MGST1: variants seen among roughly 807,000 people sequenced by gnomAD.
MGST1 encodes the protein microsomal glutathione S-transferase 1.
A neutral mutation model predicts 8.9 loss-of-function variants in MGST1; 5 were observed. The ratio of observed to expected loss-of-function variants is 0.56; its 90% CI spans 0.29 to 1.19. The LOEUF is 1.19. MGST1 is among the 50% of genes most tolerant of loss of function. The probability of loss-of-function intolerance (pLI) is 0.08; values close to 1 mark genes in which losing one functional copy is unlikely to be tolerated. For synonymous variants in MGST1, 54 were observed against 67.8 expected, an observed-to-expected ratio of 0.80 and a Z score of 1.00; for missense variants, 182 against 187.4, an observed-to-expected ratio of 0.97 and a Z score of 0.17.
At chr12:16,542,491 A>G (rs1483557267) in intron 4 of MGST1, among the ~76,000 whole-genome samples, 2 of 152,166 alleles carry the variant, frequency 1.3e-5, no homozygotes, top group Non-Finnish European at 2.9e-5. Context: ...CTCTTTTGTA[A>G]GTCTGTTTGC....
chr12:16,560,277 G>A lies in MGST1; in HGVS notation n.483-29251G>A. 1 of 887,796 alleles carries A rather than the reference G, an allele frequency of 1.1e-6. No individual in the cohort carries two copies. 55.0% of individuals were successfully genotyped at this position (887,796 alleles called of 1,614,324 possible). On this transcript the variant is annotated intron_variant and non_coding_transcript_variant, in intron 4 of 4. Coordinates refer to the MGST1 transcript ENST00000538857. The surrounding 1 kb of genome is among the most constrained non-coding windows in gnomAD (Gnocchi z 5.0). Reference sequence around the variant, plus strand: ...CTCCTTAGTAGCTTGTCTCTGGCATGGGATTAAAGTTTACAGAACAGAAAA... The same window carrying A: ...CTCCTTAGTAGCTTGTCTCTGGCATAGGATTAAAGTTTACAGAACAGAAAA...
chr12:16,513,956 C>G lies in MGST1; in HGVS notation n.483-75572C>G, dbSNP rs1941594300. 3.8e-6 allele frequency: 2 copies of G among 519,570 alleles called. No homozygotes were observed. The highest frequency in any genetic ancestry group is 7.4e-6 in the Non-Finnish European group (2 of 268,506). 32.2% of individuals were successfully genotyped at this position (519,570 alleles called of 1,614,324 possible). A position where few individuals can be genotyped will look rare whatever the true frequency, so the allele number is the denominator to read the frequency against. ...CGCAAGACTTGCGGTTTTGACTTCA[C>G]AGACACTGTGGAGGACATTTCAAAA... is the stretch of plus-strand genomic sequence containing the variant. On this transcript the variant is annotated intron_variant and non_coding_transcript_variant, in intron 4 of 4. Coordinates refer to the MGST1 transcript ENST00000538857. This position sits in a 1 kb window ranked among gnomAD's most constrained non-coding sequence, Gnocchi z 4.2.
At chr12:16,496,157 T>G (rs924150117) in intron 4 of MGST1, among the ~76,000 whole-genome samples, 3 of 152,028 alleles carry the variant, frequency 2.0e-5, no homozygotes, top group Non-Finnish European at 4.4e-5. Flanking sequence ...GCATGTAACA[T>G]AGAGAAATTC....
chr12:16,518,105 T>A (rs1224123502), intron 4 of MGST1, among the ~76,000 whole-genome samples: 1 of 152,196 alleles, frequency 6.6e-6, no homozygotes, highest in African/African-American at 2.4e-5. Context: ...TATGCTTAAT[T>A]TTTAAAAAAT....
chr12:16,579,126 A>AT (rs570418073), intron 4 of MGST1, among the ~76,000 whole-genome samples: 86 of 151,516 alleles, frequency 5.7e-4, no homozygotes, highest in South Asian at 5.4e-3. Context: ...TTCCACAGGG[A>AT]TTTTTTTTTG....
At chr12:16,556,777 C>T (rs980511490) in intron 4 of MGST1, among the ~76,000 whole-genome samples, 1 of 152,092 alleles carries the variant, frequency 6.6e-6, no homozygotes. Flanking sequence ...AATTTGTCTG[C>T]TTTGCTTGAC....
chr12:16,429,534 A>G (rs1226976228), intron 1 of MGST1, among the ~76,000 whole-genome samples: 1 of 152,004 alleles, frequency 6.6e-6, no homozygotes, highest in Admixed American at 6.6e-5. Flanking sequence ...AAAGATAGGT[A>G]TGCTAACTAA....
intron 4 of MGST1, among the ~76,000 whole-genome samples, chr12:16,564,097 T>C (rs1443900098): frequency 6.6e-6 from 1 of 152,178 alleles, no homozygotes; most frequent in East Asian, 1.9e-4. Flanking sequence ...CCCAGAGATG[T>C]TTCTGTCCCC....
At chr12:16,525,413 G>A (rs1040223517) in intron 4 of MGST1, among the ~76,000 whole-genome samples, 51 of 151,336 alleles carry the variant, frequency 3.4e-4, no homozygotes, top group Admixed American at 2.4e-3. Flanking sequence ...TTGTTCTTGC[G>A]ATAGTTTACT....
chr12:16,363,760 A>G lies in MGST1; in HGVS notation c.222-35A>G, dbSNP rs1040332964. The G allele has an allele frequency of 3.3e-6, 5 of 1,506,086 alleles. No individual in the cohort carries two copies. In the African/African-American group the frequency reaches 5.5e-5, roughly 17 times the overall value. The allele number at this position is 1,506,086 out of a possible 1,614,324, so 93.3% of individuals were successfully genotyped here. On this transcript the variant is annotated intron_variant, in intron 3 of 3. Coordinates refer to ENST00000396210, the MANE Select transcript of MGST1 (RefSeq NM_020300.5). This position sits in a 1 kb window ranked among gnomAD's most constrained non-coding sequence, Gnocchi z 4.6. Reference sequence around the variant, plus strand: ...AAAAGGATACATATCTAGTATTTTGAAATTAGTGTCTTTAATAGTTATCTT... The same window carrying G: ...AAAAGGATACATATCTAGTATTTTGGAATTAGTGTCTTTAATAGTTATCTT...
At chr12:16,348,345 G>A (rs1939293442) in intron 1 of MGST1, among the ~76,000 whole-genome samples, 1 of 152,138 alleles carries the variant, frequency 6.6e-6, no homozygotes, top group African/African-American at 2.4e-5. Context: ...CCCTTGGGAC[G>A]GTTCTCACCT....
At chr12:16,431,858 A>G (rs1306921722) in intron 1 of MGST1, among the ~76,000 whole-genome samples, 15 of 152,204 alleles carry the variant, frequency 9.9e-5, no homozygotes, top group Admixed American at 9.2e-4. Flanking sequence ...AAAATGCAGT[A>G]TCTGTGAAGC....
chr12:16,390,465 T>C (rs570539768), intron 1 of MGST1, among the ~76,000 whole-genome samples: 12 of 152,258 alleles, frequency 7.9e-5, no homozygotes, highest in African/African-American at 2.9e-4. Flanking sequence ...CACCCTCAAG[T>C]AGGCCCCAGT....
rs1197350643 is a variant in MGST1, at chr12:16,361,364, G to T, written c.222-2431G>T. On this transcript the variant is annotated intron_variant, in intron 3 of 3. Coordinates refer to ENST00000396210, the MANE Select transcript of MGST1 (RefSeq NM_020300.5). This position sits in a 1 kb window ranked among gnomAD's most constrained non-coding sequence, Gnocchi z 4.2. ...GAAGGAGGCGTGGCTGTGGCCTCAA[G>T]AGCACAGAGATGGTGGGAAGGTCCG... Among the ~76,000 whole-genome samples the T allele has an allele frequency of 6.6e-6, 1 of 152,216 alleles. No homozygotes were observed. Among genetic ancestry groups the T allele is most frequent in the Non-Finnish European group, 1.5e-5 (1 of 68,042 alleles).
intron 4 of MGST1, among the ~76,000 whole-genome samples, chr12:16,540,961 C>A (rs1372495716): frequency 6.6e-6 from 1 of 152,032 alleles, no homozygotes; most frequent in East Asian, 1.9e-4. Context: ...AAGGTTAAAA[C>A]CTGATTTTGG....
chr12:16,390,487 C>T (rs1021544902), intron 1 of MGST1, among the ~76,000 whole-genome samples: 1 of 152,068 alleles, frequency 6.6e-6, no homozygotes, highest in Non-Finnish European at 1.5e-5. Flanking sequence ...TCTGTCGTTC[C>T]CTTCTTTGTG....
intron 4 of MGST1, among the ~76,000 whole-genome samples, chr12:16,578,859 A>AC (rs1227730668): frequency 4.0e-4 from 60 of 150,242 alleles, no homozygotes; most frequent in East Asian, 2.2e-3. Context: ...AACAACAACA[A>AC]AACATTAATT....
rs755028228 is a variant in MGST1 at position 16,413,097 on chromosome 12, G to C, written n.779-24291G>C. Among the ~76,000 whole-genome samples, 12 of 152,102 alleles carry C rather than the reference G, an allele frequency of 7.9e-5. No homozygotes were observed. Among genetic ancestry groups the C allele is most frequent in the Non-Finnish European group, 1.8e-4 (12 of 68,022 alleles). On this transcript the variant is annotated intron_variant and non_coding_transcript_variant, in intron 1 of 1. Transcript: ENST00000359720. This position sits in a 1 kb window ranked among gnomAD's most constrained non-coding sequence, Gnocchi z 4.0. ...GGTGGTTAATTTAGGGGTGAGTTGT[G>C]TGGCTACTCAATGAACATCACTTTA... is the stretch of plus-strand genomic sequence containing the variant.
chr12:16,527,152 T>C lies in MGST1; in HGVS notation n.483-62376T>C, dbSNP rs185047617. Among the ~76,000 whole-genome samples the C allele has an allele frequency of 7.7e-4, 117 of 152,140 alleles. 1 individual carries two copies. The highest frequency in any genetic ancestry group is 2.7e-3 in the African/African-American group (112 of 41,550). ...GACCCATCTTAAATGTCTAGTGTTATTTGTTTCAGCCATTCTGCAACATGA... is the reference window on the plus strand; with the variant it reads ...GACCCATCTTAAATGTCTAGTGTTACTTGTTTCAGCCATTCTGCAACATGA... On this transcript the variant is annotated intron_variant and non_coding_transcript_variant, in intron 4 of 4. Coordinates refer to the MGST1 transcript ENST00000538857.
Sources: gnomAD v4.1 joint callset for allele counts (sites outside exome capture counted in the v4.1 genomes callset) on GRCh38, gnomAD v4.1.1 for gene constraint, Gnocchi (gnomAD v3.1) non-coding constraint, MANE v1.5 for transcripts, NCBI Gene and HGNC (gene_info 2026-07-23, HGNC 2026-07-21) for gene names.